The following FCRL5 variants were observed in gnomAD, a reference collection of about 807,000 sequenced individuals.
FCRL5 encodes Fc receptor like 5.
A neutral mutation model predicts 92.1 loss-of-function variants in FCRL5; 79 were observed. The ratio of observed to expected loss-of-function variants is 0.86; its 90% CI spans 0.72 to 1.03. The LOEUF is 1.03. Among genes scored for constraint, FCRL5 ranks in the 50% least tolerant of loss-of-function variants. FCRL5 has a pLI of 0.00. For missense variants in FCRL5, 1,160 were observed against 1,181.1 expected, an observed-to-expected ratio of 0.98 and a Z score of 0.26; for synonymous variants, 466 against 469.3, an observed-to-expected ratio of 0.99 and a Z score of 0.09.
chr1:157,532,017 A>C (rs569046754), intron 8 of FCRL5: 2 of 152,226 alleles, frequency 1.3e-5, no homozygotes, highest in Admixed American at 1.3e-4. Context: ...GATGATGGGT[A>C]CATTAAATAT....
At chr1:157,530,799 A>G (rs1170798593) in intron 8 of FCRL5, among the ~76,000 whole-genome samples, 1 of 152,234 alleles carries the variant, frequency 6.6e-6, no homozygotes, top group Non-Finnish European at 1.5e-5. Flanking sequence ...GTAATTCTGT[A>G]GATATATTTT....
At chr1:157,520,065 T>A (rs1230923567) in intron 12 of FCRL5, among the ~76,000 whole-genome samples, 1 of 152,198 alleles carries the variant, frequency 6.6e-6, no homozygotes, top group African/African-American at 2.4e-5. Context: ...AGTGTACATT[T>A]AAAAAATCGG....
intron 8 of FCRL5, 24 bp downstream of exon 8, chr1:157,534,590 G>A (rs376192706): frequency 6.2e-6 from 10 of 1,613,650 alleles, no homozygotes; most frequent in Non-Finnish European, 7.6e-6. Flanking sequence ...AGGGGTGGGT[G>A]ACTGGCAAGA....
In FCRL5 at chr1:157,515,608, C is replaced by A. The variant is rs749844344; in HGVS notation, c.*67G>T. 6.2e-7 allele frequency: 1 copy of A among 1,613,824 alleles called. No individual in the cohort carries two copies. The highest frequency in any genetic ancestry group is 8.5e-7 in the Non-Finnish European group (1 of 1,180,008). On this transcript the variant is annotated 3_prime_UTR_variant, in exon 17 of 17. Coordinates refer to ENST00000361835, the MANE Select transcript of FCRL5 (RefSeq NM_031281.3). Reference sequence around the variant, plus strand: ...CAGCCTAAATCTTCCCACTTCAATGCTGCTTCTCCCCCAAGGGGAACTTTG... The same window carrying A: ...CAGCCTAAATCTTCCCACTTCAATGATGCTTCTCCCCCAAGGGGAACTTTG...
rs1651348610 is a variant in FCRL5, at chr1:157,543,092, A to G, written c.890T>C (p.Leu297Pro). Reference sequence around the variant, plus strand: ...TGTCACCTTGGTTCCCTCAAAATTCAGAGCCTTTTCAGGGCTGAGAGTGAG... The same window carrying G: ...TGTCACCTTGGTTCCCTCAAAATTCGGAGCCTTTTCAGGGCTGAGAGTGAG... ...PVLTLSPEKA[L>P]NFEGTKVTLH... Residue 297 changes from leucine to proline, a missense_variant, in exon 6 of 17, where the codon CTG (leucine) becomes CCG (proline). Leu to Pro is a moderately conservative substitution (Grantham distance 98, BLOSUM62 -3). Coordinates refer to ENST00000361835, the MANE Select transcript of FCRL5 (RefSeq NM_031281.3). 6.2e-7 allele frequency: 1 copy of G among 1,614,090 alleles called. No homozygotes were observed. Among genetic ancestry groups the G allele is most frequent in the Admixed American group, 1.7e-5 (1 of 60,006 alleles).
intron 8 of FCRL5, among the ~76,000 whole-genome samples, chr1:157,529,116 A>G (rs1650571413): frequency 6.6e-6 from 1 of 152,224 alleles, no homozygotes; most frequent in African/African-American, 2.4e-5. Context: ...ATCATCAGGA[A>G]AAAACAATCA....
At chr1:157,546,450 A>AAAACCAAACCAAACCAAACC (rs60618941) in intron 3 of FCRL5, among the ~76,000 whole-genome samples, 18,265 of 145,010 alleles carry the variant, frequency 0.13, 1,629 homozygotes, top group East Asian at 0.35. Flanking sequence ...TCCATCTCAA[A>AAAACCAAACCAAACCAAACC]AAACCAAACC....
chr1:157,517,064 G>C (rs995173307), intron 15 of FCRL5, among the ~76,000 whole-genome samples: 2 of 152,186 alleles, frequency 1.3e-5, no homozygotes, highest in African/African-American at 4.8e-5. Context: ...AAATCACGCA[G>C]CACTTTTTAT....
chr1:157,524,563 G>A lies in FCRL5; in HGVS notation c.1961-6C>T, dbSNP rs757503358. ...GATGGGACGAGATACTGGAACTGAG[G>A]GAGGAAAAACGTTATGTATCAGCTG... On this transcript the variant is annotated splice_polypyrimidine_tract_variant and splice_region_variant and intron_variant, in intron 9 of 16. Coordinates refer to ENST00000361835, the MANE Select transcript of FCRL5 (RefSeq NM_031281.3). 4.5e-6 allele frequency: 7 copies of A among 1,569,210 alleles called. No individual in the cohort carries two copies. The highest frequency in any genetic ancestry group is 1.7e-4 in the Middle Eastern group (1 of 5,876).
intron 15 of FCRL5, among the ~76,000 whole-genome samples, chr1:157,517,485 A>G (rs1434976337): frequency 2.6e-5 from 4 of 152,174 alleles, no homozygotes; most frequent in Non-Finnish European, 5.9e-5. Flanking sequence ...TACTCATATG[A>G]TTCTCTAAAA....
chr1:157,532,291 T>C (rs1650735914), intron 8 of FCRL5: 1 of 152,186 alleles, frequency 6.6e-6, no homozygotes, highest in Admixed American at 6.5e-5. Flanking sequence ...TTCTCTCCTA[T>C]GTGACTCTAC....
chr1:157,529,256 T>C (rs946069432), intron 8 of FCRL5, among the ~76,000 whole-genome samples: 7 of 152,208 alleles, frequency 4.6e-5, no homozygotes, highest in South Asian at 2.1e-4. Flanking sequence ...GATACCACCT[T>C]ACTCCTGCAA....
In FCRL5 at chr1:157,524,709, G is replaced by A. The variant is rs1269288891; in HGVS notation, c.1961-152C>T. 20 of 869,292 alleles carry A rather than the reference G, an allele frequency of 2.3e-5. No individual in the cohort carries two copies. In the South Asian group the frequency reaches 3.6e-4, roughly 16 times the overall value. The allele number at this position is 869,292 out of a possible 1,614,324, so 53.8% of individuals were successfully genotyped here. A position where few individuals can be genotyped will look rare whatever the true frequency, so the allele number is the denominator to read the frequency against. Reference sequence around the variant, plus strand: ...AGCAATATTTTCAGATCTCCAGAAAGAACAACATTTGTGTAGTGCTATAAA... The same window carrying A: ...AGCAATATTTTCAGATCTCCAGAAAAAACAACATTTGTGTAGTGCTATAAA... On this transcript the variant is annotated intron_variant, in intron 9 of 16. Transcript: ENST00000361835.
intron 15 of FCRL5, 122 bp downstream of exon 15, chr1:157,518,307 C>T: frequency 1.3e-6 from 1 of 786,986 alleles, no homozygotes. Context: ...TAAAGAAGCC[C>T]CATGACCCAG....
intron 10 of FCRL5, among the ~76,000 whole-genome samples, chr1:157,522,957 C>G (rs1054189030): frequency 6.6e-6 from 1 of 152,126 alleles, no homozygotes. Context: ...GGGAGAGCCC[C>G]TGCAAATCTC....
chr1:157,538,230 T>C (rs1651067539), intron 7 of FCRL5, among the ~76,000 whole-genome samples: 2 of 152,202 alleles, frequency 1.3e-5, no homozygotes, highest in South Asian at 4.1e-4. Context: ...TCCTTTATAA[T>C]CACACACATC....
intron 9 of FCRL5, among the ~76,000 whole-genome samples, chr1:157,525,341 G>A (rs1650379986): frequency 6.6e-6 from 1 of 152,194 alleles, no homozygotes. Context: ...AACAGTATGT[G>A]CAAACGCCCT....
At chr1:157,547,771 G>C (rs543747144) in intron 2 of FCRL5, among the ~76,000 whole-genome samples, 1 of 152,262 alleles carries the variant, frequency 6.6e-6, no homozygotes, top group South Asian at 2.1e-4. Context: ...TTACAGCTGG[G>C]GCCACTGATT....
In FCRL5 at chr1:157,534,517, TA is replaced by T. The variant is rs1176606793; in HGVS notation, c.1681+96del. 3 of 1,423,632 alleles carry T rather than the reference TA, an allele frequency of 2.1e-6. No individual in the cohort carries two copies. In the East Asian group the frequency reaches 6.9e-5, roughly 33 times the overall value. 88.2% of individuals were successfully genotyped at this position (1,423,632 alleles called of 1,614,324 possible). A position where few individuals can be genotyped will look rare whatever the true frequency, so the allele number is the denominator to read the frequency against. On this transcript the variant is annotated intron_variant, in intron 8 of 16. Coordinates refer to ENST00000361835, the MANE Select transcript of FCRL5 (RefSeq NM_031281.3). ...AAGCCAAGAAGGGGATTAAGTTGAT[TA>T]GGGGAGGAAACTGGACAGTGCAAAC...
Sources: allele counts gnomAD v4.1 joint callset (sites outside exome capture counted in the v4.1 genomes callset), GRCh38; gene constraint gnomAD v4.1.1; transcripts MANE v1.5; gene names NCBI Gene and HGNC (gene_info 2026-07-23, HGNC 2026-07-21).